ALMS1: variants seen among roughly 807,000 people sequenced by gnomAD.
The protein encoded by ALMS1 is centrosome-associated protein ALMS1.
Under a neutral mutation model 352.2 loss-of-function variants are expected in ALMS1, and 271 were observed. The observed-to-expected ratio is 0.77, with a 90% CI of 0.70 to 0.85. The LOEUF is 0.85. ALMS1 is among the 40% of genes least tolerant of loss of function. ALMS1 has a pLI of 0.00. For missense variants in ALMS1, 5,445 were observed against 4,870.7 expected, an observed-to-expected ratio of 1.12 and a Z score of -3.51; for synonymous variants, 1,865 against 1,761.2, an observed-to-expected ratio of 1.06 and a Z score of -1.48.
At chr2:73,590,836 G>A (rs934455601) in intron 16 of ALMS1, among the ~76,000 whole-genome samples, 3 of 151,880 alleles carry the variant, frequency 2.0e-5, no homozygotes, top group South Asian at 2.1e-4. Flanking sequence ...GCACCACCAC[G>A]CCTGACTAAT....
chr2:73,389,965 G>A (rs1454854060), intron 1 of ALMS1, among the ~76,000 whole-genome samples: 1 of 152,132 alleles, frequency 6.6e-6, no homozygotes, highest in East Asian at 1.9e-4. Flanking sequence ...GGGATTAGAG[G>A]CATGAGCCAC....
intron 16 of ALMS1, among the ~76,000 whole-genome samples, chr2:73,594,231 GT>G (rs1374072170): frequency 7.1e-6 from 1 of 141,774 alleles, no homozygotes; most frequent in Non-Finnish European, 1.5e-5. Flanking sequence ...CTAGTGAACA[GT>G]TGTTTTTGTC....
At chr2:73,498,335 C>T (rs1351779251) in intron 10 of ALMS1, among the ~76,000 whole-genome samples, 1 of 151,718 alleles carries the variant, frequency 6.6e-6, no homozygotes, top group Non-Finnish European at 1.5e-5. Flanking sequence ...ATGTTTGATA[C>T]AAGCATGCAG....
chr2:73,594,255 T>TAAGA (rs200612940), intron 16 of ALMS1, among the ~76,000 whole-genome samples: 1 of 151,990 alleles, frequency 6.6e-6, no homozygotes, highest in Non-Finnish European at 1.5e-5. Context: ...TGTCTTTGAT[T>TAAGA]GTCATCTTCC....
chr2:73,444,913 CA>C (rs1283388115), intron 7 of ALMS1, among the ~76,000 whole-genome samples: 3 of 151,828 alleles, frequency 2.0e-5, no homozygotes, highest in Middle Eastern at 3.4e-3. Flanking sequence ...ATTTAGTTAT[CA>C]ATAATTAATA....
At position 73,452,530 on chromosome 2, in the gene ALMS1, G is replaced by A; in HGVS notation, c.6003G>A (p.Val2001=). The change falls in exon 8 of 23, where the codon GTG becomes GTA. Residue 2001 remains valine (V), a synonymous_variant. Transcript: ENST00000613296. ...SHKEKLKIST[V]HIPDDQKTEF... ...AAGAGAAACTCAAGATTTCAACTGT[G>A]CATATACCAGATGACCAGAAAACTG... 1 of 1,614,014 alleles carries A rather than the reference G, an allele frequency of 6.2e-7. No individual in the cohort carries two copies. Among genetic ancestry groups the A allele is most frequent in the Non-Finnish European group, 8.5e-7 (1 of 1,179,974 alleles).
At position 73,426,453 on chromosome 2, in the gene ALMS1, A is replaced by T. The variant is rs770439428; in HGVS notation, c.1238A>T (p.Lys413Met). The change falls in exon 6 of 23, where the codon AAG (lysine) becomes ATG (methionine). Residue 413 changes from lysine to methionine, a missense_variant and splice_region_variant. Coordinates refer to ENST00000613296, the MANE Select transcript of ALMS1 (RefSeq NM_001378454.1). ...ATGCAAAATGACTCCTATTTTGTAGAGGGCCTGCAGGGGAAGGTTGAGTCT... is the reference window on the plus strand; with the variant it reads ...ATGCAAAATGACTCCTATTTTGTAGTGGGCCTGCAGGGGAAGGTTGAGTCT... ...SSKQAETYLT[K>M]GLQGKVESDV... is the part of the protein sequence containing the mutation. 1 of 1,614,034 alleles carries T rather than the reference A, an allele frequency of 6.2e-7. No individual in the cohort carries two copies. The highest frequency in any genetic ancestry group is 1.1e-5 in the South Asian group (1 of 91,082).
In ALMS1 at chr2:73,424,493, T is replaced by C. The variant is rs760408197; in HGVS notation, c.828T>C (p.Ala276=). 4.4e-6 allele frequency: 7 copies of C among 1,605,994 alleles called. No homozygotes were observed. Among genetic ancestry groups the C allele is most frequent in the Non-Finnish European group, 5.9e-6 (7 of 1,176,584 alleles). ...WSSRPSEVSE[A]LFQATAEVAS... is the part of the protein sequence containing the mutation. ...CTCGACCATCGGAAGTTAGTGAAGCTTTATTCCAGGCTACTGCAGAAGTAG... is the reference window on the plus strand; with the variant it reads ...CTCGACCATCGGAAGTTAGTGAAGCCTTATTCCAGGCTACTGCAGAAGTAG... Residue 276 remains alanine, a synonymous_variant, in exon 5 of 23, where the codon GCT becomes GCC. Coordinates refer to ENST00000613296, the MANE Select transcript of ALMS1 (RefSeq NM_001378454.1).
chr2:73,492,114 C>T lies in ALMS1; in HGVS notation c.9539+616C>T, dbSNP rs147495041. 3.0e-4 allele frequency among the ~76,000 whole-genome samples: 45 copies of T among 152,212 alleles called. No homozygotes were observed. In the South Asian group the frequency reaches 4.6e-3, roughly 15 times the overall value. The stretch of plus-strand genomic sequence containing the variant: ...AGGAAACCCAATTCAGGGATAAGTT[C>T]GTTAGATTTATATTATTCAGCCCAA... On this transcript the variant is annotated intron_variant, in intron 10 of 22. Coordinates refer to ENST00000613296, the MANE Select transcript of ALMS1 (RefSeq NM_001378454.1).
At chr2:73,579,076 T>A (rs1234201248) in intron 16 of ALMS1, among the ~76,000 whole-genome samples, 2 of 130,314 alleles carry the variant, frequency 1.5e-5, no homozygotes, top group East Asian at 4.0e-4. Flanking sequence ...TTTTTATTTA[T>A]TTTTTTTTTT....
At chr2:73,590,710 G>C (rs1165790902) in intron 16 of ALMS1, among the ~76,000 whole-genome samples, 1 of 121,544 alleles carries the variant, frequency 8.2e-6, no homozygotes, top group Admixed American at 1.1e-4. Flanking sequence ...GAGATGTCTC[G>C]CTCTGTCACC....
rs182365728 is a variant in ALMS1, at chr2:73,495,091, T to C, written c.9539+3593T>C. Reference sequence around the variant, plus strand: ...AGTGTTTATTTCATTATTTGGATTATAATCCAATGCTACCATTACTGTTTT... The same window carrying C: ...AGTGTTTATTTCATTATTTGGATTACAATCCAATGCTACCATTACTGTTTT... On this transcript the variant is annotated intron_variant, in intron 10 of 22. Transcript: ENST00000613296. 4.9e-4 allele frequency among the ~76,000 whole-genome samples: 74 copies of C among 152,310 alleles called. 2 individuals carry two copies. The highest frequency in any genetic ancestry group is 3.5e-3 in the Admixed American group (54 of 15,292).
intron 7 of ALMS1, among the ~76,000 whole-genome samples, chr2:73,436,252 A>T (rs1474885804): frequency 6.6e-6 from 1 of 152,106 alleles, no homozygotes; most frequent in East Asian, 1.9e-4. Flanking sequence ...GTCAGCTGTT[A>T]TCTTATTCAT....
intron 1 of ALMS1, among the ~76,000 whole-genome samples, chr2:73,386,528 G>T (rs929370698): frequency 2.0e-5 from 3 of 152,116 alleles, no homozygotes; most frequent in African/African-American, 7.2e-5. Context: ...GTGTAGGACC[G>T]GAGCGAGTGG....
At chr2:73,434,030 T>G (rs192119842) in intron 7 of ALMS1, among the ~76,000 whole-genome samples, 1 of 152,262 alleles carries the variant, frequency 6.6e-6, no homozygotes, top group East Asian at 1.9e-4. Context: ...TTAAATTTTG[T>G]CAATTTTGCT....
At chr2:73,460,832 C>T (rs539177940) in intron 9 of ALMS1, among the ~76,000 whole-genome samples, 6 of 152,346 alleles carry the variant, frequency 3.9e-5, no homozygotes, top group African/African-American at 7.2e-5. Context: ...CACAGAGTCT[C>T]GCTGATTGCT....
At chr2:73,471,054 A>G (rs767924682) in intron 9 of ALMS1, 13 of 151,788 alleles carry the variant, frequency 8.6e-5, no homozygotes, top group Non-Finnish European at 1.8e-4. Flanking sequence ...TTCAGCCACT[A>G]TATGTTTTTT....
Position 73,573,415 on chromosome 2 carries a change from A to T in ALMS1, c.11538A>T (p.Arg3846Ser). 6.2e-7 allele frequency: 1 copy of T among 1,614,018 alleles called. No individual in the cohort carries two copies. The highest frequency in any genetic ancestry group is 2.2e-5 in the East Asian group (1 of 44,860). Residue 3846 changes from arginine to serine, a missense_variant, in exon 16 of 23, where the codon AGA (arginine) becomes AGT (serine). Arg to Ser is a moderately radical substitution (Grantham distance 110). Transcript: ENST00000613296. ...TGACTTCTGAGCACACCAGAAGGAG[A>T]CACATCCAGGTACATGGCTACAGAT... ...PLVTSEHTRR[R>S]HIQVANHVIS...
chr2:73,417,164 TAC>T (rs1426792097), intron 2 of ALMS1, among the ~76,000 whole-genome samples: 6 of 152,082 alleles, frequency 3.9e-5, no homozygotes, highest in Non-Finnish European at 8.8e-5. Context: ...TAAAATATAA[TAC>T]AGTTGTTAAA....
Sources: allele counts gnomAD v4.1 joint callset (sites outside exome capture counted in the v4.1 genomes callset), GRCh38; gene constraint gnomAD v4.1.1; transcripts MANE v1.5; gene names NCBI Gene and HGNC (gene_info 2026-07-23, HGNC 2026-07-21).